Variants in HERC2 observed in about 807,000 individuals in gnomAD.
The protein encoded by HERC2 is E3 ubiquitin-protein ligase HERC2.
HERC2 carries 102 observed loss-of-function variants against 537.7 expected under a neutral mutation model. The ratio of observed to expected loss-of-function variants is 0.19; its 90% confidence interval spans 0.16 to 0.22. The LOEUF is 0.22. Ranked by LOEUF, HERC2 falls within the 10% of genes least tolerant of loss-of-function variation. HERC2 has a pLI of 1.00. For synonymous variants in HERC2, 2,224 were observed against 2,466.2 expected (o/e 0.90, Z 2.91); for missense variants, 4,236 against 6,198.2 (o/e 0.68, Z 10.63).
intron 35 of HERC2, among the ~76,000 whole-genome samples, chr15:28,224,526 G>C (rs1418556048): frequency 6.6e-6 from 1 of 152,114 alleles, no homozygotes; most frequent in Non-Finnish European, 1.5e-5. Context: ...TTTTTGAATG[G>C]ATTAATGTGA....
rs61754656 is a variant in HERC2, at chr15:28,272,286, A to C, written c.1012T>G (p.Leu338Val). The C allele has an allele frequency of 2.0e-3, 3,245 of 1,612,686 alleles. 6 individuals carry two copies. Among genetic ancestry groups the C allele is most frequent in the Non-Finnish European group, 2.6e-3 (3,043 of 1,179,474 alleles). The change falls in exon 9 of 93, where the codon TTG (leucine) becomes GTG (valine). Residue 338 changes from leucine (L) to valine (V), a missense_variant. By Grantham distance (32) the Leu-to-Val change is conservative. This residue lies in a region of HERC2 where 491 missense variants were observed against 559.3 expected (regional missense o/e 0.88). Transcript: ENST00000261609. ...RSAQGTSAPL[L>V]PLLQRFQSII... Reference sequence around the variant, plus strand: ...CTCTGGAACCTTTGCAGCAAGGGCAAAAGTGGGGCGCTGGTGCCCTGGGCG... The same window carrying C: ...CTCTGGAACCTTTGCAGCAAGGGCACAAGTGGGGCGCTGGTGCCCTGGGCG...
At chr15:28,245,823 ATAGG>A in intron 23 of HERC2, 54 bp downstream of exon 23, 1 of 1,394,228 alleles carries the variant, frequency 7.2e-7, no homozygotes, top group Non-Finnish European at 1.0e-6. Flanking sequence ...AAAGGCAAGA[ATAGG>A]TTAGACAAGG....
At position 28,227,159 on chromosome 15, in the gene HERC2, C is replaced by T. The variant is rs569343983; in HGVS notation, c.5464+1059G>A. ...GTGTGGTGGTGTGTGACTGTAATCC[C>T]AGCTACTCGGGAGGCTGAGGCATGA... On this transcript the variant is annotated intron_variant, in intron 35 of 92. Coordinates refer to ENST00000261609, the MANE Select transcript of HERC2 (RefSeq NM_004667.6). Among the ~76,000 whole-genome samples the T allele has an allele frequency of 1.8e-4, 27 of 152,224 alleles. 1 individual carries two copies. In the South Asian group the frequency reaches 5.4e-3, roughly 30 times the overall value.
chr15:28,313,661 A>C (rs1459594143), intron 2 of HERC2, among the ~76,000 whole-genome samples: 2 of 152,194 alleles, frequency 1.3e-5, no homozygotes, highest in Non-Finnish European at 2.9e-5. Flanking sequence ...TTTTTTTCTT[A>C]AACCTACAGA....
intron 68 of HERC2, 113 bp from the exon 69 acceptor site, chr15:28,163,398 C>G: frequency 1.1e-6 from 1 of 925,932 alleles, no homozygotes. Flanking sequence ...AGTAAGAAAC[C>G]TGAAGGTGTT....
intron 23 of HERC2, among the ~76,000 whole-genome samples, chr15:28,243,755 C>A (rs1019028014): frequency 4.6e-5 from 7 of 152,274 alleles, no homozygotes; most frequent in Admixed American, 1.3e-4. Context: ...AAGTGGAACA[C>A]TGAGAATTCT....
chr15:28,266,281 C>T (rs11856014), intron 12 of HERC2, among the ~76,000 whole-genome samples: 2,954 of 152,120 alleles, frequency 0.019, 94 homozygotes, highest in African/African-American at 0.067. Context: ...TTTGGGAGGC[C>T]GAGGTGGGCA....
intron 59 of HERC2, among the ~76,000 whole-genome samples, chr15:28,178,653 A>G (rs1895526439): frequency 6.6e-6 from 1 of 152,238 alleles, no homozygotes; most frequent in Non-Finnish European, 1.5e-5. Flanking sequence ...GGTTTTGGGA[A>G]TCTGAAGAAA....
chr15:28,241,473 A>G (rs1261395798), intron 23 of HERC2, among the ~76,000 whole-genome samples: 1 of 152,162 alleles, frequency 6.6e-6, no homozygotes, highest in East Asian at 1.9e-4. Context: ...CAAAAAAATT[A>G]AATATAAAAT....
Position 28,143,906 on chromosome 15 carries a change from C to T in HERC2, c.11385G>A (p.Leu3795=), listed in dbSNP as rs1891478356. Residue 3795 remains leucine (L), a synonymous_variant, in exon 74 of 93, where the codon CTG becomes CTA. Transcript: ENST00000261609. ...TTGTTTCCCCATCATTTTCTCCAAGCAGCCTATTTATGTTAATTGACTGCC... is the reference window on the plus strand; with the variant it reads ...TTGTTTCCCCATCATTTTCTCCAAGTAGCCTATTTATGTTAATTGACTGCC... ...EFGQSININR[L]LGENDGETRA... 6.2e-7 allele frequency: 1 copy of T among 1,614,132 alleles called. No individual in the cohort carries two copies. The highest frequency in any genetic ancestry group is 1.3e-5 in the African/African-American group (1 of 75,024).
At chr15:28,310,773 A>G (rs1310713011) in intron 2 of HERC2, among the ~76,000 whole-genome samples, 1 of 152,142 alleles carries the variant, frequency 6.6e-6, no homozygotes, top group Admixed American at 6.6e-5. Context: ...GAAACAGAGA[A>G]GGTGAACTAA....
rs936831121 is a variant in HERC2 at position 28,143,896 on chromosome 15, T to C, written c.11395A>G (p.Asn3799Asp). The change falls in exon 74 of 93, where the codon AAT (asparagine) becomes GAT (aspartate). Residue 3799 changes from asparagine (N) to aspartate (D), a missense_variant. Physicochemically the swap from Asn to Asp is conservative, Grantham distance 23. Coordinates refer to ENST00000261609, the MANE Select transcript of HERC2 (RefSeq NM_004667.6). ...ACCAAAGCTCTTGTTTCCCCATCAT[T>C]TTCTCCAAGCAGCCTATTTATGTTA... ...SININRLLGE[N>D]DGETRALSFT... The C allele has an allele frequency of 1.2e-6, 2 of 1,614,040 alleles. No individual in the cohort carries two copies. The highest frequency in any genetic ancestry group is 2.7e-5 in the African/African-American group (2 of 74,914).
chr15:28,134,109 G>GC (rs1890373289), intron 79 of HERC2, among the ~76,000 whole-genome samples: 1 of 152,054 alleles, frequency 6.6e-6, no homozygotes, highest in Non-Finnish European at 1.5e-5. Context: ...AACACAGCAT[G>GC]CCCCTTCACG....
intron 79 of HERC2, among the ~76,000 whole-genome samples, chr15:28,134,227 G>A (rs1162973574): frequency 6.6e-6 from 1 of 152,166 alleles, no homozygotes; most frequent in African/African-American, 2.4e-5. Context: ...AATTCTGGGA[G>A]AGGGTATTCT....
intron 2 of HERC2, chr15:28,315,676 T>A: frequency 1.3e-6 from 1 of 752,492 alleles, no homozygotes; most frequent in Admixed American, 2.0e-5. Flanking sequence ...CGCCATTTTC[T>A]TGGAAACCTC....
In HERC2 at chr15:28,315,869, C is replaced by G. The variant is rs921380748; in HGVS notation, c.72+5493G>C. The G allele has an allele frequency of 1.4e-4, 71 of 504,220 alleles. 1 individual carries two copies. Among genetic ancestry groups the G allele is most frequent in the Non-Finnish European group, 2.2e-4 (56 of 257,388 alleles). 31.2% of individuals were successfully genotyped at this position (504,220 alleles called of 1,614,324 possible). Reference sequence around the variant, plus strand: ...AAGTTGTGGGACTGCATGCCACTGTCTAGAGCTTGTCTCAATGGATCTAGA... The same window carrying G: ...AAGTTGTGGGACTGCATGCCACTGTGTAGAGCTTGTCTCAATGGATCTAGA... On this transcript the variant is annotated intron_variant, in intron 2 of 92. Transcript: ENST00000261609.
intron 86 of HERC2, among the ~76,000 whole-genome samples, chr15:28,121,031 A>G (rs987053082): frequency 1.3e-5 from 2 of 152,228 alleles, no homozygotes; most frequent in African/African-American, 2.4e-5. Context: ...ACACCTCCCA[A>G]TGTAACAGCA....
At chr15:28,294,186 AAACT>A (rs1158411938) in intron 3 of HERC2, among the ~76,000 whole-genome samples, 1 of 152,314 alleles carries the variant, frequency 6.6e-6, no homozygotes, top group East Asian at 1.9e-4. Context: ...TTCAATTCTG[AAACT>A]AACTACCTAG....
chr15:28,189,937 C>G (rs1225546201), intron 55 of HERC2, among the ~76,000 whole-genome samples: 1 of 151,832 alleles, frequency 6.6e-6, no homozygotes, highest in Non-Finnish European at 1.5e-5. Context: ...ATATTTTTAT[C>G]TGCTATCATT....
Sources: allele counts gnomAD v4.1 joint callset (sites outside exome capture counted in the v4.1 genomes callset), GRCh38; gene constraint gnomAD v4.1.1; regional missense constraint gnomAD v4.1.1; transcripts MANE v1.5; gene names NCBI Gene and HGNC (gene_info 2026-07-23, HGNC 2026-07-21).